NRXN1: variants seen among roughly 807,000 people sequenced by gnomAD.
The protein encoded by NRXN1 is neurexin 1, also known as neurexin-1.
Under a neutral mutation model 150.9 loss-of-function variants are expected in NRXN1, and 39 were observed. That is an observed-to-expected ratio of 0.26 (90% CI 0.20 to 0.34). The LOEUF (loss-of-function observed/expected upper bound fraction) is 0.34, where lower values mean the gene tolerates loss of function less well. Among genes scored for constraint, NRXN1 ranks in the 10% least tolerant of loss-of-function variants. The pLI, the probability that NRXN1 is intolerant of heterozygous loss-of-function variation, is 1.00. For missense variants in NRXN1, 1,815 were observed against 1,949.9 expected (o/e 0.93, Z 1.30); for synonymous variants, 924 against 757.0 (o/e 1.22, Z -3.62).
chr2:50,272,918 A>G (rs1460490716), intron 17 of NRXN1, among the ~76,000 whole-genome samples: 3 of 152,114 alleles, frequency 2.0e-5, no homozygotes, highest in East Asian at 1.9e-4. Context: ...TACATAAAGA[A>G]TTTTTACAAC....
chr2:50,636,795 A>G (rs1683294611), intron 5 of NRXN1, among the ~76,000 whole-genome samples: 2 of 152,160 alleles, frequency 1.3e-5, no homozygotes, highest in Non-Finnish European at 2.9e-5. Context: ...CCAGAAAACA[A>G]TACCTTCAAT....
chr2:50,951,998 G>A (rs1396084756), intron 2 of NRXN1, among the ~76,000 whole-genome samples: 5 of 115,060 alleles, frequency 4.3e-5, no homozygotes, highest in African/African-American at 1.8e-4. Context: ...ACGGAGTCTC[G>A]CTCTGTCGCC....
chr2:49,972,545 T>C lies in NRXN1; in HGVS notation c.4129-28754A>G, dbSNP rs539868487. On this transcript the variant is annotated intron_variant, in intron 21 of 22. Transcript: ENST00000401669. ...GTCTAGTAAATAAGTTTAGTATTAA[T>C]TGCCACTTTTATATTTCGATGCTAC... is the stretch of plus-strand genomic sequence containing the variant. 2.2e-3 allele frequency: 342 copies of C among 152,274 alleles called. 6 individuals are homozygous for C. Among genetic ancestry groups the C allele is most frequent in the African/African-American group, 8.0e-3 (333 of 41,554 alleles). 9.4% of individuals were successfully genotyped at this position (152,274 alleles called of 1,614,324 possible). A position where few individuals can be genotyped will look rare whatever the true frequency, so the allele number is the denominator to read the frequency against.
chr2:50,811,887 C>A (rs1221307341), intron 5 of NRXN1, among the ~76,000 whole-genome samples: 1 of 151,804 alleles, frequency 6.6e-6, no homozygotes, highest in East Asian at 1.9e-4. Flanking sequence ...TGACAGTGCA[C>A]CTAAAGTAAA....
At chr2:50,299,033 T>A (rs570236838) in intron 17 of NRXN1, among the ~76,000 whole-genome samples, 1 of 152,200 alleles carries the variant, frequency 6.6e-6, no homozygotes, top group Non-Finnish European at 1.5e-5. Context: ...CCTTTTATTA[T>A]GTTCAAAATT....
At chr2:50,098,830 GTTTTTTTTTTTTTTTT>G (rs746736925) in intron 18 of NRXN1, among the ~76,000 whole-genome samples, 17 of 105,540 alleles carry the variant, frequency 1.6e-4, no homozygotes, top group African/African-American at 5.6e-4. Flanking sequence ...TTTGGTTTTA[GTTTTTTTTTTTTTTTT>G]TTTTTTTTTT....
At chr2:50,340,953 C>G (rs528537453) in intron 17 of NRXN1, among the ~76,000 whole-genome samples, 3 of 152,156 alleles carry the variant, frequency 2.0e-5, no homozygotes, top group Admixed American at 2.0e-4. Context: ...TTGCTCTATT[C>G]TCTTCTCAAA....
rs1476850082 is a variant in NRXN1 at position 51,026,369 on chromosome 2, A to G, written c.772+1133T>C. 2 of 1,573,606 alleles carry G rather than the reference A, an allele frequency of 1.3e-6. No individual in the cohort carries two copies. Among genetic ancestry groups the G allele is most frequent in the Non-Finnish European group, 1.7e-6 (2 of 1,153,078 alleles). On this transcript the variant is annotated intron_variant, in intron 2 of 22. Coordinates refer to ENST00000401669, the MANE Select transcript of NRXN1 (RefSeq NM_001330078.2). ...TTCGTCTTTTTCACACCACTCACTC[A>G]CTTTCTGTTAGAGGCTTTGCTGTAT...
chr2:50,170,107 A>T (rs904414878), intron 18 of NRXN1, among the ~76,000 whole-genome samples: 6 of 151,660 alleles, frequency 4.0e-5, no homozygotes, highest in African/African-American at 1.2e-4. Context: ...TTTATTATAC[A>T]TGTTATTTAT....
At chr2:50,582,721 A>C (rs922118927) in intron 8 of NRXN1, among the ~76,000 whole-genome samples, 2 of 151,724 alleles carry the variant, frequency 1.3e-5, no homozygotes, top group African/African-American at 4.8e-5. Context: ...GTTTATTTCT[A>C]AAATACTTAT....
At chr2:50,331,836 G>C (rs1440730327) in intron 17 of NRXN1, among the ~76,000 whole-genome samples, 1 of 152,112 alleles carries the variant, frequency 6.6e-6, no homozygotes, top group Non-Finnish European at 1.5e-5. Context: ...GATATTAGTT[G>C]ATAATGGCAT....
intron 18 of NRXN1, among the ~76,000 whole-genome samples, chr2:50,092,091 C>T (rs1053149085): frequency 2.6e-5 from 4 of 152,074 alleles, no homozygotes; most frequent in African/African-American, 7.2e-5. Flanking sequence ...CAGGAAGGTA[C>T]AAGACTTGTT....
chr2:50,506,434 TG>T, intron 13 of NRXN1, 60 bp downstream of exon 13: 2 of 1,526,552 alleles, frequency 1.3e-6, no homozygotes. Flanking sequence ...CAAAACCACC[TG>T]CAAGAAATGA....
At position 50,496,107 on chromosome 2, in the gene NRXN1, A is replaced by T. The variant is rs1461102702; in HGVS notation, c.2880-12T>A. 1 of 1,578,810 alleles carries T rather than the reference A, an allele frequency of 6.3e-7. No homozygotes were observed. The highest frequency in any genetic ancestry group is 8.6e-7 in the Non-Finnish European group (1 of 1,160,694). ...CGTAATGTAAGTACCTGGGAAAAAAATGAAAGAGGGGAAAGTGCCATCACT... is the reference window on the plus strand; with the variant it reads ...CGTAATGTAAGTACCTGGGAAAAAATTGAAAGAGGGGAAAGTGCCATCACT... On this transcript the variant is annotated splice_polypyrimidine_tract_variant and intron_variant, in intron 14 of 22. Transcript: ENST00000401669.
At chr2:49,943,655 A>T in intron 22 of NRXN1, 49 bp downstream of exon 22, 1 of 1,278,450 alleles carries the variant, frequency 7.8e-7, no homozygotes. Context: ...ATAACATGCA[A>T]CAAAGATTTA....
At chr2:50,892,845 T>C (rs988697007) in intron 5 of NRXN1, among the ~76,000 whole-genome samples, 1 of 152,138 alleles carries the variant, frequency 6.6e-6, no homozygotes, top group East Asian at 1.9e-4. Context: ...TTTCAACAAC[T>C]TACTGTTCAT....
chr2:50,201,501 A>G (rs1432507045), intron 18 of NRXN1, among the ~76,000 whole-genome samples: 1 of 152,156 alleles, frequency 6.6e-6, no homozygotes, highest in African/African-American at 2.4e-5. Context: ...ACATGAGGGA[A>G]AGTAATGCAT....
chr2:50,326,390 G>A (rs2076384848), intron 17 of NRXN1, among the ~76,000 whole-genome samples: 1 of 152,120 alleles, frequency 6.6e-6, no homozygotes, highest in Admixed American at 6.5e-5. Context: ...TCTGAAGACA[G>A]CAAAAGACTT....
At chr2:50,870,894 C>T (rs1436597183) in intron 5 of NRXN1, among the ~76,000 whole-genome samples, 1 of 151,892 alleles carries the variant, frequency 6.6e-6, no homozygotes, top group Non-Finnish European at 1.5e-5. Context: ...ACAACATCCT[C>T]AGAAGTTACT....
Sources: allele counts gnomAD v4.1 joint callset (sites outside exome capture counted in the v4.1 genomes callset), GRCh38; gene constraint gnomAD v4.1.1; transcripts MANE v1.5; gene names NCBI Gene and HGNC (gene_info 2026-07-23, HGNC 2026-07-21).